The following SAMD12 variants were observed in gnomAD, a reference collection of about 807,000 sequenced individuals.
SAMD12 encodes sterile alpha motif domain containing 12, also known as sterile alpha motif domain-containing protein 12.
In SAMD12, 9 loss-of-function variants were observed where a neutral mutation model predicts 15.0. The observed-to-expected ratio is 0.60, with a 90% CI of 0.36 to 1.05. The LOEUF (loss-of-function observed/expected upper bound fraction) is 1.05, where lower values mean the gene tolerates loss of function less well. Ranked by LOEUF, SAMD12 falls within the 50% of genes least tolerant of loss-of-function variation. The pLI is 0.01. For synonymous variants in SAMD12, 86 were observed against 90.1 expected, an observed-to-expected ratio of 0.96 and a Z score of 0.25; for missense variants, 230 against 234.2, an observed-to-expected ratio of 0.98 and a Z score of 0.12.
At chr8:118,446,007 A>C (rs1218496696) in intron 2 of SAMD12, among the ~76,000 whole-genome samples, 5 of 152,202 alleles carry the variant, frequency 3.3e-5, no homozygotes, top group South Asian at 2.1e-4. Context: ...ATCGAAGCCT[A>C]AATTTTTATG....
intron 4 of SAMD12, among the ~76,000 whole-genome samples, chr8:118,365,453 G>A (rs1458358962): frequency 6.6e-6 from 1 of 152,152 alleles, no homozygotes; most frequent in Admixed American, 6.5e-5. Context: ...ACAAAAAAGT[G>A]GAGAAGGACA....
the SAMD12 span, among the ~76,000 whole-genome samples, chr8:118,164,151 T>C: frequency 6.6e-6 from 1 of 152,104 alleles, no homozygotes; most frequent in Non-Finnish European, 1.5e-5. Flanking sequence ...GCAGAACTCC[T>C]TCTTGATGTT....
intron 2 of SAMD12, among the ~76,000 whole-genome samples, chr8:118,502,600 T>C (rs902058461): frequency 1.3e-5 from 2 of 152,338 alleles, no homozygotes; most frequent in South Asian, 4.1e-4. Flanking sequence ...CTGGAATATA[T>C]TGAAGAGCAC....
In SAMD12 at chr8:118,367,839, C is replaced by T. The variant is rs550638335; in HGVS notation, c.433+11721G>A. 2.6e-5 allele frequency among the ~76,000 whole-genome samples: 4 copies of T among 152,126 alleles called. No homozygotes were observed. The East Asian group carries it at 5.8e-4, about 22-fold the overall frequency. ...TGCTGGCTAGAGGAACCATTAGGGG[C>T]GCTACAAAAGGCAGATATTTTTCTA... On this transcript the variant is annotated intron_variant, in intron 4 of 4. Coordinates refer to the SAMD12 transcript ENST00000409003.
chr8:118,228,101 G>A (rs4398957), intron 4 of SAMD12, among the ~76,000 whole-genome samples: 78,924 of 152,112 alleles, frequency 0.52, 25,143 homozygotes, highest in Non-Finnish European at 0.73. Flanking sequence ...AATGAAACTG[G>A]ATCCTCATCT....
intron 4 of SAMD12, among the ~76,000 whole-genome samples, chr8:118,316,588 C>G (rs1428391252): frequency 1.3e-5 from 2 of 151,964 alleles, no homozygotes; most frequent in Admixed American, 1.3e-4. Context: ...ATTTAAAACA[C>G]ACAAAATATC....
At chr8:118,198,455 ATT>A (rs1044821424) in intron 4 of SAMD12, among the ~76,000 whole-genome samples, 5 of 152,224 alleles carry the variant, frequency 3.3e-5, no homozygotes, top group African/African-American at 1.2e-4. Flanking sequence ...TTCAAGAATT[ATT>A]ATATGAGTAC....
intron 1 of SAMD12, among the ~76,000 whole-genome samples, chr8:118,583,097 A>G (rs908991715): frequency 1.3e-5 from 2 of 152,132 alleles, no homozygotes; most frequent in African/African-American, 4.8e-5. Flanking sequence ...AGTGAATTAC[A>G]TGCCTATTAC....
intron 4 of SAMD12, among the ~76,000 whole-genome samples, chr8:118,217,767 AT>A (rs1811997584): frequency 6.6e-6 from 1 of 152,174 alleles, no homozygotes; most frequent in African/African-American, 2.4e-5. Flanking sequence ...GTACAAGGCT[AT>A]GTCCAAGGCT....
At chr8:118,358,961 T>A (rs73325647) in intron 4 of SAMD12, among the ~76,000 whole-genome samples, 5,631 of 152,088 alleles carry the variant, frequency 0.037, 318 homozygotes, top group African/African-American at 0.12. Flanking sequence ...AACACTTAAG[T>A]AGTAGTTATA....
Position 118,216,022 on chromosome 8 carries a change from T to A in SAMD12, c.434-18290A>T, listed in dbSNP as rs2129841922. On this transcript the variant is annotated intron_variant, in intron 4 of 4. Coordinates refer to the SAMD12 transcript ENST00000409003. ...GTCAAATGGTATTTCTAGTTCTAGATCCCTGAGGAATCACCACACTGACTT... is the reference window on the plus strand; with the variant it reads ...GTCAAATGGTATTTCTAGTTCTAGAACCCTGAGGAATCACCACACTGACTT... 3.3e-5 allele frequency among the ~76,000 whole-genome samples: 5 copies of A among 151,760 alleles called. No individual in the cohort carries two copies. The Middle Eastern group carries it at 0.017, about 520-fold the overall frequency.
chr8:118,492,968 G>C (rs961920218), intron 2 of SAMD12, among the ~76,000 whole-genome samples: 2 of 152,062 alleles, frequency 1.3e-5, no homozygotes, highest in African/African-American at 2.4e-5. Context: ...ACTGGAGAAG[G>C]CATCTCTGCT....
At chr8:118,576,973 A>G (rs1478732417) in intron 2 of SAMD12, among the ~76,000 whole-genome samples, 3 of 152,152 alleles carry the variant, frequency 2.0e-5, no homozygotes, top group Non-Finnish European at 2.9e-5. Flanking sequence ...AAAGCTATGT[A>G]AACATAGTTT....
At chr8:118,247,268 C>A (rs534170704) in intron 4 of SAMD12, among the ~76,000 whole-genome samples, 1 of 151,710 alleles carries the variant, frequency 6.6e-6, no homozygotes, top group Non-Finnish European at 1.5e-5. Flanking sequence ...AGGAGGGGCA[C>A]GGATAGGGAA....
At chr8:118,164,544 G>A in the SAMD12 span, among the ~76,000 whole-genome samples, 3 of 152,166 alleles carry the variant, frequency 2.0e-5, no homozygotes, top group Admixed American at 2.0e-4. Flanking sequence ...AACATAAGCT[G>A]TTATTATTTT....
the SAMD12 span, among the ~76,000 whole-genome samples, chr8:118,138,194 A>G: frequency 2.0e-4 from 25 of 125,782 alleles, no homozygotes; most frequent in African/African-American, 6.1e-4. Context: ...CCTGATTCCA[A>G]CGCTTACTGA....
At chr8:118,389,471 G>C (rs907863550) in intron 3 of SAMD12, among the ~76,000 whole-genome samples, 1 of 152,188 alleles carries the variant, frequency 6.6e-6, no homozygotes, top group Non-Finnish European at 1.5e-5. Context: ...AGCATTTTGG[G>C]AGCAGGCAGA....
chr8:118,269,484 T>C (rs7825192), intron 4 of SAMD12, among the ~76,000 whole-genome samples: 22,337 of 152,156 alleles, frequency 0.15, 2,044 homozygotes, highest in Non-Finnish European at 0.21. Flanking sequence ...GATGTAGATA[T>C]TGAACACCTT....
chr8:118,287,153 C>T (rs559716376), intron 4 of SAMD12, among the ~76,000 whole-genome samples: 2 of 140,418 alleles, frequency 1.4e-5, no homozygotes, highest in Admixed American at 7.1e-5. Flanking sequence ...GAGACGGAGT[C>T]TCGCTCTTTC....
Sources: gnomAD v4.1 joint callset for allele counts (sites outside exome capture counted in the v4.1 genomes callset) on GRCh38, gnomAD v4.1.1 for gene constraint, MANE v1.5 for transcripts, NCBI Gene and HGNC (gene_info 2026-07-23, HGNC 2026-07-21) for gene names.